TDRD12: variants seen among roughly 807,000 people sequenced by gnomAD.
TDRD12 encodes the protein putative ATP-dependent RNA helicase TDRD12.
Under a neutral mutation model 133.5 loss-of-function variants are expected in TDRD12, and 158 were observed. That is an observed-to-expected ratio of 1.18 (90% CI 1.04 to 1.35). TDRD12 has a LOEUF of 1.35. Among genes scored for constraint, TDRD12 ranks in the 40% most tolerant of loss-of-function variants. TDRD12 has a pLI of 0.00. For missense variants in TDRD12, 1,443 were observed against 1,321.3 expected, an observed-to-expected ratio of 1.09 and a Z score of -1.43; for synonymous variants, 460 against 477.9, an observed-to-expected ratio of 0.96 and a Z score of 0.49.
rs190038626 is a variant in TDRD12 at position 32,776,044 on chromosome 19, G to A, written c.1041-1105G>A. Among the ~76,000 whole-genome samples, 58 of 152,278 alleles carry A rather than the reference G, an allele frequency of 3.8e-4. No individual in the cohort carries two copies. In the East Asian group the frequency reaches 0.01, roughly 27 times the overall value. Reference sequence around the variant, plus strand: ...GTGTGAGCTCAGGCTCTGGGCCCTCGATGCTGCCTGGGGCCTGTTCTGCAT... The same window carrying A: ...GTGTGAGCTCAGGCTCTGGGCCCTCAATGCTGCCTGGGGCCTGTTCTGCAT... On this transcript the variant is annotated intron_variant, in intron 10 of 27. Coordinates refer to ENST00000444215, the Ensembl canonical transcript of TDRD12.
intron 3 of TDRD12, among the ~76,000 whole-genome samples, chr19:32,741,498 C>G (rs958192214): frequency 1.3e-5 from 2 of 152,244 alleles, no homozygotes; most frequent in African/African-American, 4.8e-5. Flanking sequence ...GCATTGCATA[C>G]AACCGTAATC....
intron 11 of TDRD12, 89 bp from the exon 12 acceptor site, chr19:32,790,442 C>CT (rs2145660861): frequency 7.7e-7 from 1 of 1,300,626 alleles, no homozygotes; most frequent in South Asian, 1.3e-5. Flanking sequence ...GCAGCCCCTG[C>CT]TATCTCTGTC....
chr19:32,761,903 C>A (rs1970161398), intron 8 of TDRD12, among the ~76,000 whole-genome samples: 1 of 152,060 alleles, frequency 6.6e-6, no homozygotes, highest in South Asian at 2.1e-4. Context: ...CCAGGCTGGT[C>A]TTGAACTCAT....
rs148374411 is a variant in TDRD12 at position 32,802,592 on chromosome 19, C to A, written c.2198-64C>A. On this transcript the variant is annotated intron_variant, in intron 19 of 27. Coordinates refer to ENST00000444215, the Ensembl canonical transcript of TDRD12. Reference sequence around the variant, plus strand: ...ATGCACTGCAGTGTGGCCGTGGGAACTGCCGGTTAAAGTAAGTGCGGTAAC... The same window carrying A: ...ATGCACTGCAGTGTGGCCGTGGGAAATGCCGGTTAAAGTAAGTGCGGTAAC... 5 of 1,504,746 alleles carry A rather than the reference C, an allele frequency of 3.3e-6. No homozygotes were observed. In the African/African-American group the frequency reaches 5.5e-5, roughly 17 times the overall value. The allele number at this position is 1,504,746 out of a possible 1,614,324, so 93.2% of individuals were successfully genotyped here. A position where few individuals can be genotyped will look rare whatever the true frequency, so the allele number is the denominator to read the frequency against.
At chr19:32,739,018 C>T (rs915921089) in intron 3 of TDRD12, 26 bp downstream of exon 3, 19 of 1,548,824 alleles carry the variant, frequency 1.2e-5, no homozygotes, top group African/African-American at 8.2e-5. Context: ...TCTCACCTTA[C>T]GCTCTTTTCA....
At chr19:32,811,846 G>T (rs990937507) in intron 24 of TDRD12, among the ~76,000 whole-genome samples, 1 of 152,106 alleles carries the variant, frequency 6.6e-6, no homozygotes, top group African/African-American at 2.4e-5. Flanking sequence ...TCCAGCCCAG[G>T]TGACAGAGTG....
At chr19:32,825,995 T>C, downstream of TDRD12, 1 of 764,170 alleles carries the variant, frequency 1.3e-6, no homozygotes, top group Non-Finnish European at 2.1e-6. This position sits in a 1 kb window ranked among gnomAD's most constrained non-coding sequence, Gnocchi z 4.1. Flanking sequence ...TGATTCCTCA[T>C]CTAGACGTTG....
At chr19:32,803,063 G>T (rs189536907) in exon 21 of TDRD12, 3 of 1,535,894 alleles carry the variant, frequency 2.0e-6, no homozygotes, top group Admixed American at 2.0e-5. Flanking sequence ...CGAGTTCACC[G>T]CAGGAGTTCT....
downstream of TDRD12, among the ~76,000 whole-genome samples, chr19:32,822,448 CAAAT>C (rs1464795854): frequency 4.0e-5 from 6 of 151,602 alleles, no homozygotes; most frequent in Non-Finnish European, 8.8e-5. Context: ...AATAAATAAA[CAAAT>C]AATAGATAAA....
exon 10 of TDRD12, chr19:32,827,357 T>TTTTTATTTTC: frequency 1.4e-5 from 5 of 361,440 alleles, no homozygotes; most frequent in East Asian, 8.2e-5. Context: ...TAACCAAATC[T>TTTTTATTTTC]TTTTCTTTTC....
At chr19:32,720,840 C>G (rs1968631498) in intron 1 of TDRD12, among the ~76,000 whole-genome samples, 1 of 140,498 alleles carries the variant, frequency 7.1e-6, no homozygotes, top group Non-Finnish European at 1.6e-5. Context: ...GCGCCCCCAC[C>G]AGGGGGCACC....
intron 10 of TDRD12, among the ~76,000 whole-genome samples, chr19:32,776,176 A>G (rs1970578912): frequency 6.6e-6 from 1 of 152,162 alleles, no homozygotes; most frequent in African/African-American, 2.4e-5. Context: ...CCTTCCCCGT[A>G]TTCCTCTGGC....
chr19:32,738,743 G>A, intron 2 of TDRD12, 113 bp from the exon 3 acceptor site: 3 of 1,143,356 alleles, frequency 2.6e-6, no homozygotes, highest in Non-Finnish European at 3.7e-6. Flanking sequence ...AACCTGGGAG[G>A]TGGAGATTGC....
intron 8 of TDRD12, among the ~76,000 whole-genome samples, chr19:32,772,290 C>T (rs1970463042): frequency 6.6e-6 from 1 of 152,212 alleles, no homozygotes; most frequent in Non-Finnish European, 1.5e-5. Flanking sequence ...TCCAAGACCA[C>T]AGATCCTGAG....
intron 11 of TDRD12, among the ~76,000 whole-genome samples, chr19:32,789,207 C>T (rs1470586131): frequency 1.3e-5 from 2 of 152,274 alleles, no homozygotes; most frequent in South Asian, 2.1e-4. Context: ...AGGCCTCCCG[C>T]GGCTGGCTCA....
intron 3 of TDRD12, among the ~76,000 whole-genome samples, chr19:32,739,497 T>C (rs545276565): frequency 4.0e-4 from 59 of 148,450 alleles, no homozygotes; most frequent in Middle Eastern, 3.6e-3. Flanking sequence ...TGGGGCTCTT[T>C]CTGCATCTCC....
intron 8 of TDRD12, among the ~76,000 whole-genome samples, chr19:32,767,674 TG>T (rs1201641360): frequency 6.6e-6 from 1 of 152,096 alleles, no homozygotes; most frequent in Non-Finnish European, 1.5e-5. Context: ...TCCAGCTAGC[TG>T]GGGGGCAGGG....
At chr19:32,780,260 A>T (rs1436389749) in intron 11 of TDRD12, among the ~76,000 whole-genome samples, 5 of 151,082 alleles carry the variant, frequency 3.3e-5, no homozygotes, top group African/African-American at 1.2e-4. Context: ...ACTTTTTTGT[A>T]TTTTTAATAG....
intron 10 of TDRD12, among the ~76,000 whole-genome samples, chr19:32,776,947 G>A (rs1306918356): frequency 6.6e-6 from 1 of 152,090 alleles, no homozygotes; most frequent in East Asian, 1.9e-4. Flanking sequence ...GGAGTGCGGT[G>A]GCACAATCAC....
Sources: gnomAD v4.1 joint callset for allele counts (sites outside exome capture counted in the v4.1 genomes callset) on GRCh38, gnomAD v4.1.1 for gene constraint, Gnocchi (gnomAD v3.1) non-coding constraint, MANE v1.5 for transcripts, NCBI Gene and HGNC (gene_info 2026-07-23, HGNC 2026-07-21) for gene names.